The following OPN5 variants were observed in gnomAD, a reference collection of about 807,000 sequenced individuals.
The protein encoded by OPN5 is opsin-5.
OPN5 carries 18 observed loss-of-function variants against 41.7 expected under a neutral mutation model. The observed-to-expected ratio is 0.43, with a 90% CI of 0.30 to 0.64. The LOEUF (loss-of-function observed/expected upper bound fraction) is 0.64, where lower values mean the gene tolerates loss of function less well. OPN5 is among the 30% of genes least tolerant of loss of function. OPN5 has a pLI of 0.13. For synonymous variants in OPN5, 178 were observed against 164.3 expected, an observed-to-expected ratio of 1.08 and a Z score of -0.64; for missense variants, 318 against 434.5, an observed-to-expected ratio of 0.73 and a Z score of 2.38.
At chr6:47,782,057 C>G in exon 1 of OPN5, 5 of 1,611,876 alleles carry the variant, frequency 3.1e-6, no homozygotes, top group South Asian at 1.1e-5. Flanking sequence ...CCTCGTGGTT[C>G]GAGAACAGAA....
In OPN5 at chr6:47,788,950, C is replaced by T. The variant is rs1410603588; in HGVS notation, c.250+2316C>T. 2.6e-5 allele frequency among the ~76,000 whole-genome samples: 4 copies of T among 152,066 alleles called. No homozygotes were observed. In the East Asian group the frequency reaches 7.7e-4, roughly 29 times the overall value. ...AAGCAAAACAATCCGTCCAGCGATT[C>T]TAAAGTGCAGCCGGGTTCTGGAAAC... On this transcript the variant is annotated intron_variant, in intron 2 of 6. Transcript: ENST00000371211.
chr6:47,824,366 G>A (rs1006778656), exon 7 of OPN5: 1 of 283,158 alleles, frequency 3.5e-6, no homozygotes, highest in Non-Finnish European at 6.7e-6. Context: ...TCTGACTGGA[G>A]CAGCTACACT....
chr6:47,826,311 T>C (rs577407281), downstream of OPN5: 1 of 152,294 alleles, frequency 6.6e-6, no homozygotes, highest in South Asian at 2.1e-4. Flanking sequence ...GAACAAGATT[T>C]CCCAAAGCAT....
rs1194031504 is a variant in OPN5 at position 47,824,012 on chromosome 6, A to G, written c.*21A>G. On this transcript the variant is annotated 3_prime_UTR_variant, in exon 7 of 7. Coordinates refer to ENST00000371211, the Ensembl canonical transcript of OPN5. ...AATAACAAATGTTCTGGTTGTGAAG[A>G]GTGCATCTGAAGTGCTTACACGGCG... 18 of 1,546,808 alleles carry G rather than the reference A, an allele frequency of 1.2e-5. No individual in the cohort carries two copies. In the Admixed American group the frequency reaches 3.5e-4, roughly 30 times the overall value.
chr6:47,824,320 C>T (rs1013989648), exon 7 of OPN5: 3 of 361,760 alleles, frequency 8.3e-6, no homozygotes, highest in African/African-American at 6.1e-5. Flanking sequence ...TGAAAGCTGG[C>T]CTGAAAAGCC....
chr6:47,789,344 TTCATTGTACTAA>T (rs1012967180), intron 2 of OPN5, among the ~76,000 whole-genome samples: 5 of 152,182 alleles, frequency 3.3e-5, no homozygotes, highest in Non-Finnish European at 7.4e-5. Flanking sequence ...TTTATTTTCC[TTCATTGTACTAA>T]TCACTACCTA....
intron 6 of OPN5, among the ~76,000 whole-genome samples, chr6:47,813,536 G>A (rs527801000): frequency 2.6e-5 from 4 of 152,242 alleles, no homozygotes; most frequent in Non-Finnish European, 5.9e-5. Context: ...CAAAGGCTTT[G>A]TTGTTTATGC....
intron 4 of OPN5, among the ~76,000 whole-genome samples, 154 bp from the exon 5 acceptor site, chr6:47,808,000 A>T (rs915216607): frequency 6.6e-6 from 1 of 151,878 alleles, no homozygotes; most frequent in African/African-American, 2.4e-5. Flanking sequence ...TCAGAAGTCC[A>T]TATGAAATGA....
chr6:47,808,114 A>C (rs1229079858), intron 4 of OPN5, 40 bp from the exon 5 acceptor site: 2 of 1,609,602 alleles, frequency 1.2e-6, no homozygotes, highest in African/African-American at 2.7e-5. Context: ...GTCCTTTATC[A>C]GTCATCTTGA....
intron 4 of OPN5, among the ~76,000 whole-genome samples, chr6:47,799,996 G>A (rs1581740617): frequency 6.6e-6 from 1 of 151,862 alleles, no homozygotes; most frequent in South Asian, 2.1e-4. Flanking sequence ...TTCTCTCCTG[G>A]GAGTTTCAAA....
chr6:47,808,657 C>G (rs1332424035), intron 5 of OPN5, among the ~76,000 whole-genome samples: 6 of 152,100 alleles, frequency 3.9e-5, no homozygotes, highest in Non-Finnish European at 8.8e-5. Context: ...TCCATTTGAG[C>G]AACAACCACT....
At chr6:47,786,567 AAAG>A (rs780469217) in exon 2 of OPN5, 32 of 1,607,974 alleles carry the variant, frequency 2.0e-5, no homozygotes, top group Non-Finnish European at 2.6e-5. Flanking sequence ...CTTCTAGACG[AAAG>A]AAGAAGCTGA....
At chr6:47,807,178 T>A (rs1366081250) in intron 4 of OPN5, among the ~76,000 whole-genome samples, 3 of 152,148 alleles carry the variant, frequency 2.0e-5, no homozygotes, top group Non-Finnish European at 4.4e-5. Context: ...CGCCCCAATT[T>A]GCCCCATAGG....
At chr6:47,788,807 G>GGGA (rs1554139121) in intron 2 of OPN5, among the ~76,000 whole-genome samples, 4 of 147,782 alleles carry the variant, frequency 2.7e-5, no homozygotes, top group African/African-American at 5.0e-5. Context: ...GGATAACCTG[G>GGGA]GGGGGGGCGG....
chr6:47,811,902 A>G (rs1022949714), intron 6 of OPN5, 171 bp downstream of exon 6: 3 of 468,114 alleles, frequency 6.4e-6, no homozygotes, highest in African/African-American at 5.9e-5. Flanking sequence ...GCTAAATGGA[A>G]ACTAGATTAC....
intron 1 of OPN5, 149 bp downstream of exon 1, chr6:47,782,345 G>C: frequency 3.2e-6 from 2 of 617,414 alleles, no homozygotes; most frequent in Non-Finnish European, 5.5e-6. Flanking sequence ...TGGCATTATG[G>C]CATTCAATAA....
chr6:47,802,298 G>A (rs1010462309), intron 4 of OPN5, among the ~76,000 whole-genome samples: 1 of 152,064 alleles, frequency 6.6e-6, no homozygotes, highest in Non-Finnish European at 1.5e-5. Context: ...ACAGTTTTGG[G>A]TAGCATTTCT....
chr6:47,824,105 C>A (rs1762721060), exon 7 of OPN5: 2 of 791,122 alleles, frequency 2.5e-6, no homozygotes, highest in Admixed American at 2.2e-5. Context: ...ACTCCACTTA[C>A]CCTGTCAGGA....
exon 5 of OPN5, chr6:47,808,222 A>T: frequency 6.2e-7 from 1 of 1,613,826 alleles, no homozygotes; most frequent in Non-Finnish European, 8.5e-7. Flanking sequence ...CTGTGTGGTC[A>T]GCTTTTGGAA....
Sources: gnomAD v4.1 joint callset for allele counts (sites outside exome capture counted in the v4.1 genomes callset) on GRCh38, gnomAD v4.1.1 for gene constraint, MANE v1.5 for transcripts, NCBI Gene and HGNC (gene_info 2026-07-23, HGNC 2026-07-21) for gene names.